Variants in ZDHHC17 observed in about 807,000 individuals in gnomAD.
ZDHHC17 encodes the protein palmitoyltransferase ZDHHC17.
ZDHHC17 carries 40 observed loss-of-function variants against 90.3 expected under a neutral mutation model. The observed-to-expected ratio is 0.44, with a 90% CI of 0.34 to 0.58. The LOEUF (loss-of-function observed/expected upper bound fraction) is 0.58, where lower values mean the gene tolerates loss of function less well. ZDHHC17 is among the 20% of genes least tolerant of loss of function. The pLI is 0.01. For missense variants in ZDHHC17, 614 were observed against 780.8 expected (o/e 0.79, Z 2.55); for synonymous variants, 235 against 252.4 (o/e 0.93, Z 0.65).
At chr12:76,792,736 T>C (rs898836343) in intron 1 of ZDHHC17, among the ~76,000 whole-genome samples, 2 of 152,176 alleles carry the variant, frequency 1.3e-5, no homozygotes, top group Admixed American at 6.5e-5. Context: ...AAAAAATATA[T>C]GAAATCATTT....
At chr12:76,788,085 CT>C (rs771804097) in intron 1 of ZDHHC17, among the ~76,000 whole-genome samples, 8 of 152,062 alleles carry the variant, frequency 5.3e-5, no homozygotes, top group African/African-American at 7.2e-5. Context: ...GACCCTGTCC[CT>C]TAAAAAAATG....
chr12:76,835,761 A>G (rs1381132549), intron 10 of ZDHHC17, among the ~76,000 whole-genome samples: 1 of 151,998 alleles, frequency 6.6e-6, no homozygotes, highest in Admixed American at 6.6e-5. Flanking sequence ...GGATCTCAGT[A>G]CACTGTGGAA....
chr12:76,851,114 TAC>T lies in ZDHHC17; in HGVS notation c.*131_*132del, dbSNP rs1266376272. ...TATGTGTAGGGCTAATGGTGAATTT[TAC>T]AGTCTTTTTTTCAACACTTTTATTA... On this transcript the variant is annotated 3_prime_UTR_variant, in exon 17 of 17. Coordinates refer to ENST00000426126, the MANE Select transcript of ZDHHC17 (RefSeq NM_015336.4). The T allele has an allele frequency of 3.5e-6, 4 of 1,141,948 alleles. No individual in the cohort carries two copies. In the African/African-American group the frequency reaches 4.8e-5, roughly 14 times the overall value. The allele number at this position is 1,141,948 out of a possible 1,614,324, so 70.7% of individuals were successfully genotyped here. A position where few individuals can be genotyped will look rare whatever the true frequency, so the allele number is the denominator to read the frequency against.
At position 76,777,049 on chromosome 12, in the gene ZDHHC17, T is replaced by G. The variant is rs1434539206; in HGVS notation, c.93+12720T>G. Reference sequence around the variant, plus strand: ...CCAGTGGTAACACCTTGCAAAATTATAGGACACTGTAGGATAGGATAGGAT... The same window carrying G: ...CCAGTGGTAACACCTTGCAAAATTAGAGGACACTGTAGGATAGGATAGGAT... On this transcript the variant is annotated intron_variant, in intron 1 of 16. Coordinates refer to ENST00000426126, the MANE Select transcript of ZDHHC17 (RefSeq NM_015336.4). 2.6e-5 allele frequency among the ~76,000 whole-genome samples: 4 copies of G among 152,202 alleles called. No individual in the cohort carries two copies. In the East Asian group the frequency reaches 7.7e-4, roughly 29 times the overall value.
intron 1 of ZDHHC17, among the ~76,000 whole-genome samples, chr12:76,779,900 C>T (rs781398156): frequency 6.6e-6 from 1 of 150,986 alleles, no homozygotes; most frequent in Non-Finnish European, 1.5e-5. Context: ...CTATAGATAT[C>T]CAACTGCTGT....
chr12:76,768,918 C>T (rs148897696), intron 1 of ZDHHC17, among the ~76,000 whole-genome samples: 48 of 151,496 alleles, frequency 3.2e-4, no homozygotes, highest in African/African-American at 1.2e-3. Context: ...TTCTCATTTT[C>T]GTCTCTCTTT....
intron 2 of ZDHHC17, among the ~76,000 whole-genome samples, chr12:76,804,465 T>C (rs369233428): frequency 1.3e-5 from 2 of 152,090 alleles, no homozygotes; most frequent in East Asian, 3.9e-4. Context: ...GAGAAAACAT[T>C]TTAAATGGTC....
chr12:76,771,732 T>C (rs781217652), intron 1 of ZDHHC17, among the ~76,000 whole-genome samples: 10 of 151,704 alleles, frequency 6.6e-5, no homozygotes, highest in Admixed American at 1.3e-4. Flanking sequence ...ACCAAAACTA[T>C]CCCTATTCTC....
chr12:76,828,537 TA>T lies in ZDHHC17; in HGVS notation c.1141+48del, dbSNP rs772734461. The T allele has an allele frequency of 6.6e-6, 10 of 1,520,570 alleles. No individual in the cohort carries two copies. The African/African-American group carries it at 1.2e-4, about 19-fold the overall frequency. The allele number at this position is 1,520,570 out of a possible 1,614,324, so 94.2% of individuals were successfully genotyped here. A position where few individuals can be genotyped will look rare whatever the true frequency, so the allele number is the denominator to read the frequency against. The stretch of plus-strand genomic sequence containing the variant: ...CATACCAAAAACAAATTTTGTTTGT[TA>T]TTTGAATAGATGTTTAATAATTTGA... On this transcript the variant is annotated intron_variant, in intron 10 of 16. Transcript: ENST00000426126.
chr12:76,835,732 C>A (rs1277952463), intron 10 of ZDHHC17, among the ~76,000 whole-genome samples: 1 of 151,910 alleles, frequency 6.6e-6, no homozygotes, highest in East Asian at 1.9e-4. Context: ...CTCCTTTAGT[C>A]ATCCTATTTT....
intron 1 of ZDHHC17, among the ~76,000 whole-genome samples, chr12:76,783,700 C>G (rs1177411720): frequency 1.3e-5 from 2 of 152,238 alleles, no homozygotes; most frequent in Non-Finnish European, 2.9e-5. Flanking sequence ...GTCCTAATCT[C>G]TGGAACCTAT....
intron 1 of ZDHHC17, among the ~76,000 whole-genome samples, chr12:76,780,721 T>C (rs1290203649): frequency 6.6e-6 from 1 of 152,210 alleles, no homozygotes; most frequent in Non-Finnish European, 1.5e-5. Flanking sequence ...GACTTTTCAA[T>C]AGCATTGATG....
chr12:76,831,452 A>C (rs1953300047), intron 10 of ZDHHC17, among the ~76,000 whole-genome samples: 1 of 152,042 alleles, frequency 6.6e-6, no homozygotes, highest in Non-Finnish European at 1.5e-5. Flanking sequence ...CCAGGTTCAC[A>C]TGATTCTCCT....
intron 7 of ZDHHC17, among the ~76,000 whole-genome samples, chr12:76,820,183 G>C (rs1358696172): frequency 1.3e-5 from 2 of 151,914 alleles, no homozygotes; most frequent in East Asian, 3.9e-4. Flanking sequence ...AAAGTTACTT[G>C]TATCAGCATT....
intron 8 of ZDHHC17, among the ~76,000 whole-genome samples, chr12:76,823,995 TAAAA>T (rs200676825): frequency 6.6e-6 from 1 of 151,608 alleles, no homozygotes; most frequent in African/African-American, 2.4e-5. Flanking sequence ...ATTAGGCTAG[TAAAA>T]AAAAATCTTG....
intron 10 of ZDHHC17, among the ~76,000 whole-genome samples, chr12:76,834,034 C>T (rs1270949958): frequency 2.0e-5 from 3 of 151,926 alleles, no homozygotes; most frequent in Non-Finnish European, 4.4e-5. Flanking sequence ...ATGATATGGG[C>T]TCATATTTAA....
chr12:76,797,386 G>C (rs1003881168), intron 1 of ZDHHC17, 48 bp from the exon 2 acceptor site: 1 of 1,331,834 alleles, frequency 7.5e-7, no homozygotes, highest in Non-Finnish European at 1.0e-6. Context: ...AATATTTTCT[G>C]TACCTCTTTT....
intron 1 of ZDHHC17, among the ~76,000 whole-genome samples, chr12:76,784,132 C>T (rs1443953985): frequency 6.6e-6 from 1 of 152,200 alleles, no homozygotes; most frequent in Non-Finnish European, 1.5e-5. Flanking sequence ...ACATATACCA[C>T]CACACAACAT....
intron 10 of ZDHHC17, among the ~76,000 whole-genome samples, chr12:76,831,198 G>A (rs1476067041): frequency 1.3e-5 from 2 of 152,076 alleles, no homozygotes; most frequent in African/African-American, 2.4e-5. Context: ...AACACCTGAG[G>A]ACATACCTGA....
Sources: allele counts gnomAD v4.1 joint callset (sites outside exome capture counted in the v4.1 genomes callset), GRCh38; gene constraint gnomAD v4.1.1; transcripts MANE v1.5; gene names NCBI Gene and HGNC (gene_info 2026-07-23, HGNC 2026-07-21).